Variants in XAGE2 observed in about 807,000 individuals in gnomAD.
XAGE2 encodes the protein X antigen family member 2.
A neutral mutation model predicts 9.9 loss-of-function variants in XAGE2; 7 were observed. The observed-to-expected ratio is 0.71, with a 90% CI of 0.40 to 1.32. The LOEUF is 1.32. Ranked by LOEUF, XAGE2 falls within the 40% of genes most tolerant of loss-of-function variation. XAGE2 has a pLI of 0.01. For missense variants in XAGE2, 85 were observed against 81.0 expected, an observed-to-expected ratio of 1.05 and a Z score of -0.19; for synonymous variants, 31 against 26.8, an observed-to-expected ratio of 1.16 and a Z score of -0.48.
Position 52,370,561 on chromosome X carries a change from T to C in XAGE2, c.82-6T>C. The C allele has an allele frequency of 1.7e-6, 2 of 1,208,866 alleles. No individual in the cohort carries two copies. Among genetic ancestry groups the C allele is most frequent in the Non-Finnish European group, 2.2e-6 (2 of 892,872 alleles). The stretch of plus-strand genomic sequence containing the variant: ...CTGCACACATACTGCCTCCCCTTTG[T>C]CCCAGGAACCCACTGATGAAGAGCC... On this transcript the variant is annotated splice_region_variant and splice_polypyrimidine_tract_variant and intron_variant, in intron 2 of 4. Coordinates refer to ENST00000286049, the MANE Select transcript of XAGE2 (RefSeq NM_130777.3).
chrX:52,375,497 C>T lies in XAGE2; in HGVS notation c.314-72C>T, dbSNP rs989161428. 9.8e-4 allele frequency: 1,088 copies of T among 1,113,862 alleles called. 12 individuals are homozygous for T. In the South Asian group the frequency reaches 0.02, roughly 20 times the overall value. The allele number at this position is 1,113,862 out of a possible 1,213,427, so 91.8% of individuals were successfully genotyped here. A position where few individuals can be genotyped will look rare whatever the true frequency, so the allele number is the denominator to read the frequency against. ...CTGTACGAAACAAAAACTTTGGTGT[C>T]ATTTGCATATCTTAATGTGATCTAA... On this transcript the variant is annotated intron_variant, in intron 4 of 4. Transcript: ENST00000286049.
At chrX:52,375,497 C>A (rs989161428) in intron 4 of XAGE2, 72 bp from the exon 5 acceptor site, 1 of 1,115,778 alleles carries the variant, frequency 9.0e-7, no homozygotes, top group Non-Finnish European at 1.2e-6. Context: ...ACTTTGGTGT[C>A]ATTTGCATAT....
chrX:52,375,589 TA>T lies in XAGE2; in HGVS notation c.*1del. 9 of 1,202,845 alleles carry T rather than the reference TA, an allele frequency of 7.5e-6. No individual in the cohort carries two copies. Among genetic ancestry groups the T allele is most frequent in the Non-Finnish European group, 1.0e-5 (9 of 888,939 alleles). ...TACAGGTGAAGGGAAATCACAGGTT[TA>T]AAGGAAGATAAGCTGAAACAACACA... is the stretch of plus-strand genomic sequence containing the variant. ...PEAGEGKSQV[*>X] On this transcript the variant is annotated frameshift_variant and stop_lost, in exon 5 of 5. Transcript: ENST00000286049. LOFTEE classifies it high-confidence loss of function.
chrX:52,372,774 C>A, intron 4 of XAGE2, 105 bp downstream of exon 4: 1 of 1,014,041 alleles, frequency 9.9e-7, no homozygotes, highest in Non-Finnish European at 1.4e-6. Context: ...TAACAGTGTT[C>A]AAATACACAC....
intron 2 of XAGE2, 31 bp from the exon 3 acceptor site, chrX:52,370,536 C>T: frequency 8.6e-7 from 1 of 1,158,865 alleles, no homozygotes. Context: ...AACTTTTTAT[C>T]TGCACACATA....
chrX:52,374,384 C>A (rs1009525559), intron 4 of XAGE2, among the ~76,000 whole-genome samples: 2 of 110,999 alleles, frequency 1.8e-5, no homozygotes, highest in Admixed American at 9.6e-5. Flanking sequence ...AGGCATGCAC[C>A]ACCATGCCTG....
chrX:52,371,873 G>A (rs1430900938), intron 3 of XAGE2, among the ~76,000 whole-genome samples: 1 of 111,727 alleles, frequency 9.0e-6, no homozygotes, highest in East Asian at 2.8e-4. Flanking sequence ...GTAAGTTTTT[G>A]TCATAAGCCC....
chrX:52,370,729 C>G, intron 3 of XAGE2, 57 bp downstream of exon 3: 1 of 1,056,372 alleles, frequency 9.5e-7, no homozygotes, highest in Non-Finnish European at 1.3e-6. Context: ...ATGTGTCCAT[C>G]ATGCCTTATG....
chrX:52,371,781 G>A (rs1191047005), intron 3 of XAGE2, among the ~76,000 whole-genome samples: 3 of 111,174 alleles, frequency 2.7e-5, no homozygotes, highest in Non-Finnish European at 5.7e-5. Flanking sequence ...TACATTTAGG[G>A]CCTTTGGACC....
chrX:52,370,733 C>G, intron 3 of XAGE2, 61 bp downstream of exon 3: 1 of 1,033,365 alleles, frequency 9.7e-7, no homozygotes, highest in Non-Finnish European at 1.3e-6. Flanking sequence ...GTCCATCATG[C>G]CTTATGCCAT....
At chrX:52,375,132 C>G (rs959091127) in intron 4 of XAGE2, among the ~76,000 whole-genome samples, 272 of 111,855 alleles carry the variant, frequency 2.4e-3, no homozygotes, top group African/African-American at 8.4e-3. Context: ...TTTCCAGGAG[C>G]CTATTTGACA....
chrX:52,373,604 A>T (rs1921246796), intron 4 of XAGE2, among the ~76,000 whole-genome samples: 1 of 111,853 alleles, frequency 8.9e-6, no homozygotes, highest in South Asian at 3.7e-4. Flanking sequence ...CTCTAACCAT[A>T]TCATAGGTTA....
chrX:52,374,165 A>G, intron 4 of XAGE2, among the ~76,000 whole-genome samples: 1 of 112,344 alleles, frequency 8.9e-6, no homozygotes, highest in South Asian at 3.7e-4. Context: ...TGGGAAAAGC[A>G]CAATACAGAA....
chrX:52,369,876 T>C (rs1921147780), intron 1 of XAGE2, 131 bp from the exon 2 acceptor site: 1 of 679,490 alleles, frequency 1.5e-6, no homozygotes, highest in South Asian at 2.4e-5. Context: ...CACTTCTAGT[T>C]GCCCTGGGAC....
intron 3 of XAGE2, among the ~76,000 whole-genome samples, chrX:52,372,254 C>G (rs1921210181): frequency 9.1e-6 from 1 of 110,352 alleles, no homozygotes; most frequent in Non-Finnish European, 1.9e-5. Context: ...CAGCCTCTCA[C>G]AAGGCTGAGA....
chrX:52,369,848 C>T (rs1458245205), intron 1 of XAGE2, among the ~76,000 whole-genome samples, 159 bp from the exon 2 acceptor site: 2 of 112,818 alleles, frequency 1.8e-5, no homozygotes, highest in African/African-American at 6.4e-5. Flanking sequence ...TGCAAGCATT[C>T]GATTCAGAAG....
chrX:52,374,757 T>A (rs1921273208), intron 4 of XAGE2, among the ~76,000 whole-genome samples: 1 of 111,898 alleles, frequency 8.9e-6, no homozygotes, highest in Non-Finnish European at 1.9e-5. Flanking sequence ...CATCTCCATT[T>A]CCCTTTCCGT....
In XAGE2 at chrX:52,370,025, G is replaced by A. The variant is rs1921150580; in HGVS notation, c.11G>A (p.Arg4Gln). The change falls in exon 2 of 5, where the codon CGA becomes CAA. Residue 4 changes from arginine (R) to glutamine (Q), a missense_variant. Arg to Gln is a conservative substitution (Grantham distance 43, BLOSUM62 1). Coordinates refer to ENST00000286049, the MANE Select transcript of XAGE2 (RefSeq NM_130777.3). MSW[R>Q]GRSTYRPRPR... ...TTTGCAGAGTGAAATATGAGTTGGC[G>A]AGGAAGATCAACATATAGGCCTAGG... 2.7e-5 allele frequency: 33 copies of A among 1,211,034 alleles called. No homozygotes were observed. The highest frequency in any genetic ancestry group is 3.5e-5 in the South Asian group (2 of 56,934).
intron 3 of XAGE2, 52 bp downstream of exon 3, chrX:52,370,724 T>C: frequency 7.5e-6 from 8 of 1,073,526 alleles, no homozygotes; most frequent in Non-Finnish European, 9.0e-6. Flanking sequence ...GGCCTATGTG[T>C]CCATCATGCC....
Sources: gnomAD v4.1 joint callset for allele counts (sites outside exome capture counted in the v4.1 genomes callset) on GRCh38, gnomAD v4.1.1 for gene constraint, MANE v1.5 for transcripts, NCBI Gene and HGNC (gene_info 2026-07-23, HGNC 2026-07-21) for gene names.